The following ST18 variants were observed in gnomAD, a reference collection of about 807,000 sequenced individuals.
ST18 encodes suppression of tumorigenicity 18 protein.
A neutral mutation model predicts 110.0 loss-of-function variants in ST18; 50 were observed. The observed-to-expected ratio is 0.45, with a 90% CI of 0.36 to 0.58. The LOEUF (loss-of-function observed/expected upper bound fraction) is 0.58, where lower values mean the gene tolerates loss of function less well. Among genes scored for constraint, ST18 ranks in the 20% least tolerant of loss-of-function variants. The probability of loss-of-function intolerance (pLI) is 0.00; values close to 1 mark genes in which losing one functional copy is unlikely to be tolerated. For synonymous variants in ST18, 461 were observed against 452.4 expected (o/e 1.02, Z -0.24); for missense variants, 1,306 against 1,280.1 (o/e 1.02, Z -0.31).
At chr8:52,405,039 A>G (rs1843993236) in intron 2 of ST18, 1 of 152,210 alleles carries the variant, frequency 6.6e-6, no homozygotes, top group Admixed American at 6.5e-5. Context: ...ATGAATGCAG[A>G]GCTTAGATTA....
At chr8:52,290,038 T>C (rs1376827376) in intron 2 of ST18, among the ~76,000 whole-genome samples, 1 of 152,046 alleles carries the variant, frequency 6.6e-6, no homozygotes, top group Non-Finnish European at 1.5e-5. Flanking sequence ...TAAGGCAGCG[T>C]CTTCAGGTGC....
At position 52,247,139 on chromosome 8, in the gene ST18, T is replaced by C. The variant is rs184395856; in HGVS notation, c.-464-17062A>G. Among the ~76,000 whole-genome samples the C allele has an allele frequency of 7.0e-4, 106 of 152,312 alleles. 2 individuals carry two copies. The highest frequency in any genetic ancestry group is 2.2e-3 in the African/African-American group (90 of 41,576). On this transcript the variant is annotated intron_variant, in intron 2 of 25. Transcript: ENST00000689386. ...CAGCATCTACTACAGTCCTCTGAAC[T>C]AAGTATTTTAATATTTATTTGTTAA...
chr8:52,262,380 GTATATGTA>G (rs1224054355), intron 2 of ST18, among the ~76,000 whole-genome samples: 3 of 152,230 alleles, frequency 2.0e-5, no homozygotes, highest in African/African-American at 7.2e-5. Flanking sequence ...CAGTGCAGCA[GTATATGTA>G]TATGGAACTT....
At chr8:52,195,132 C>T (rs1322215477) in intron 8 of ST18, among the ~76,000 whole-genome samples, 1 of 152,152 alleles carries the variant, frequency 6.6e-6, no homozygotes. Flanking sequence ...GAAACAGGAT[C>T]TGGCTTCTTC....
At chr8:52,315,698 G>C (rs758300168) in intron 2 of ST18, among the ~76,000 whole-genome samples, 1 of 152,182 alleles carries the variant, frequency 6.6e-6, no homozygotes, top group Admixed American at 6.5e-5. Context: ...ATAGAGTAGT[G>C]CTGGTGAATG....
intron 7 of ST18, among the ~76,000 whole-genome samples, chr8:52,212,659 G>A (rs2082634259): frequency 6.6e-6 from 1 of 152,158 alleles, no homozygotes; most frequent in Non-Finnish European, 1.5e-5. Flanking sequence ...TGACTGAAAT[G>A]ATGGGAACTA....
At chr8:52,159,655 C>G (rs2060913744) in intron 14 of ST18, among the ~76,000 whole-genome samples, 1 of 152,092 alleles carries the variant, frequency 6.6e-6, no homozygotes, top group African/African-American at 2.4e-5. Context: ...TGTTCTTCAT[C>G]CAACTAGATG....
rs1449245735 is a variant in ST18 at position 52,137,118 on chromosome 8, G to A, written c.2231+303C>T. ...GGTATTACTTTTCCTCGGGCAAATG[G>A]TCGATTTGAGTCACTGTTGTATTTA... is the stretch of plus-strand genomic sequence containing the variant. On this transcript the variant is annotated intron_variant, in intron 18 of 25. Transcript: ENST00000689386. 2.6e-5 allele frequency among the ~76,000 whole-genome samples: 4 copies of A among 152,190 alleles called. No individual in the cohort carries two copies. The South Asian group carries it at 8.3e-4, about 32-fold the overall frequency.
intron 2 of ST18, among the ~76,000 whole-genome samples, chr8:52,359,556 G>A (rs922007432): frequency 3.9e-5 from 6 of 151,966 alleles, no homozygotes; most frequent in Admixed American, 2.0e-4. Context: ...ACAAAATCAC[G>A]AACTCATCAG....
At chr8:52,238,147 G>C (rs1424524721) in intron 2 of ST18, among the ~76,000 whole-genome samples, 1 of 152,174 alleles carries the variant, frequency 6.6e-6, no homozygotes, top group Non-Finnish European at 1.5e-5. Flanking sequence ...TTGAAAAATA[G>C]CTGGCAATTT....
intron 8 of ST18, among the ~76,000 whole-genome samples, chr8:52,189,616 C>T (rs1287232724): frequency 6.6e-6 from 1 of 152,150 alleles, no homozygotes; most frequent in Admixed American, 6.5e-5. Flanking sequence ...GTGAAGGTCT[C>T]CCTAGTCTCT....
chr8:52,273,915 A>T (rs1298205055), intron 2 of ST18, among the ~76,000 whole-genome samples: 1 of 152,220 alleles, frequency 6.6e-6, no homozygotes, highest in Non-Finnish European at 1.5e-5. Context: ...TCTTAATTAC[A>T]AATACTATAT....
intron 2 of ST18, among the ~76,000 whole-genome samples, chr8:52,388,307 G>C (rs1157998445): frequency 6.6e-6 from 1 of 151,764 alleles, no homozygotes; most frequent in South Asian, 2.1e-4. Context: ...CTCAGCTCCC[G>C]GGAGCTGCAG....
intron 2 of ST18, among the ~76,000 whole-genome samples, chr8:52,336,670 A>G (rs1160197400): frequency 6.6e-6 from 1 of 152,174 alleles, no homozygotes; most frequent in Non-Finnish European, 1.5e-5. Context: ...GTGAGATGGG[A>G]AGCGGGTAGA....
At chr8:52,405,153 A>G (rs1250074560) in intron 2 of ST18, 1 of 152,242 alleles carries the variant, frequency 6.6e-6, no homozygotes, top group Admixed American at 6.5e-5. Context: ...TCTCTATTAT[A>G]CATATTAGCA....
intron 2 of ST18, among the ~76,000 whole-genome samples, chr8:52,354,041 C>T (rs576228813): frequency 2.6e-5 from 4 of 152,238 alleles, no homozygotes; most frequent in Non-Finnish European, 5.9e-5. Context: ...CTCTCCCAGC[C>T]CAAGTCCAGC....
intron 2 of ST18, among the ~76,000 whole-genome samples, chr8:52,321,555 T>A (rs1043380273): frequency 5.3e-5 from 8 of 152,188 alleles, no homozygotes; most frequent in African/African-American, 1.9e-4. Context: ...TTTTGGCTGA[T>A]GTGGATGGAA....
rs10106379 is a variant in ST18 at position 52,161,532 on chromosome 8, C to T, written c.1437G>A (p.Pro479=). The T allele has an allele frequency of 9.9e-5, 159 of 1,614,066 alleles. No individual in the cohort carries two copies. In the African/African-American group the frequency reaches 1.7e-3, roughly 17 times the overall value. ...CTCTGGGAGAGGTGATGGCTTGTGACGGGAAATTGAATTCAATTTGCTTCA... is the reference window on the plus strand; with the variant it reads ...CTCTGGGAGAGGTGATGGCTTGTGATGGGAAATTGAATTCAATTTGCTTCA... The part of the protein sequence containing the change: ...SLVKQIEFNF[P]SQAITSPRAT... Residue 479 remains proline, a synonymous_variant, in exon 14 of 26, where the codon CCG becomes CCA. Transcript: ENST00000689386.
At chr8:52,231,491 T>G (rs991510858) in intron 2 of ST18, among the ~76,000 whole-genome samples, 5 of 152,094 alleles carry the variant, frequency 3.3e-5, no homozygotes, top group African/African-American at 1.2e-4. Flanking sequence ...GTGGCTTTTT[T>G]TTTTTTTGAC....
Sources: allele counts gnomAD v4.1 joint callset (sites outside exome capture counted in the v4.1 genomes callset), GRCh38; gene constraint gnomAD v4.1.1; transcripts MANE v1.5; gene names NCBI Gene and HGNC (gene_info 2026-07-23, HGNC 2026-07-21).